The following ICMT variants were observed in gnomAD, a reference collection of about 807,000 sequenced individuals.
ICMT encodes the protein protein-S-isoprenylcysteine O-methyltransferase.
ICMT carries 10 observed loss-of-function variants against 32.2 expected under a neutral mutation model. The observed-to-expected ratio is 0.31, with a 90% CI of 0.19 to 0.53. ICMT has a LOEUF of 0.53. ICMT is among the 20% of genes least tolerant of loss of function. The pLI, the probability that ICMT is intolerant of heterozygous loss-of-function variation, is 0.96. For missense variants in ICMT, 265 were observed against 356.9 expected, an observed-to-expected ratio of 0.74 and a Z score of 2.07; for synonymous variants, 183 against 158.2, an observed-to-expected ratio of 1.16 and a Z score of -1.18.
chr1:6,226,340 G>A (rs1668644905), intron 4 of ICMT, among the ~76,000 whole-genome samples: 1 of 152,124 alleles, frequency 6.6e-6, no homozygotes, highest in Non-Finnish European at 1.5e-5. Flanking sequence ...AGGTTGCAGT[G>A]AGCTGAGATC....
At chr1:6,233,846 G>C (rs1341640587) in intron 2 of ICMT, among the ~76,000 whole-genome samples, 1 of 152,016 alleles carries the variant, frequency 6.6e-6, no homozygotes, top group Non-Finnish European at 1.5e-5. Flanking sequence ...TTTGTTTCTG[G>C]TGTTTTGTTT....
rs1295627080 is a variant in ICMT at position 6,222,819 on chromosome 1, G to A, written c.*2261C>T. 6.6e-6 allele frequency: 1 copy of A among 152,234 alleles called. No individual in the cohort carries two copies. The highest frequency in any genetic ancestry group is 1.5e-5 in the Non-Finnish European group (1 of 68,064). 9.4% of individuals were successfully genotyped at this position (152,234 alleles called of 1,614,324 possible). Reference sequence around the variant, plus strand: ...CTGGGCCCGCCCTACTTAGAGCAGGGGAAAGAACTTTTCCCTCAAAGAGCC... The same window carrying A: ...CTGGGCCCGCCCTACTTAGAGCAGGAGAAAGAACTTTTCCCTCAAAGAGCC... On this transcript the variant is annotated 3_prime_UTR_variant, in exon 5 of 5. Transcript: ENST00000343813.
intron 1 of ICMT, 118 bp from the exon 2 acceptor site, chr1:6,235,092 T>C: frequency 1.3e-6 from 1 of 765,160 alleles, no homozygotes; most frequent in Non-Finnish European, 2.2e-6. Context: ...TTTGCTGAGG[T>C]TGAAAGGGAG....
At chr1:6,227,533 C>A (rs901593060) in intron 4 of ICMT, among the ~76,000 whole-genome samples, 1 of 152,114 alleles carries the variant, frequency 6.6e-6, no homozygotes, top group East Asian at 1.9e-4. Context: ...TTTTCTAGGA[C>A]CAAGAGTAAA....
At chr1:6,230,513 G>C (rs962462582) in intron 4 of ICMT, among the ~76,000 whole-genome samples, 1 of 150,466 alleles carries the variant, frequency 6.6e-6, no homozygotes, top group Non-Finnish European at 1.5e-5. Flanking sequence ...TTGAGCTCAG[G>C]AGGTCAAGGC....
chr1:6,225,122 G>T lies in ICMT; in HGVS notation c.813C>A (p.Pro271=). The change falls in exon 5 of 5, where the codon CCC becomes CCA. Residue 271 remains proline (P), a synonymous_variant. Coordinates refer to ENST00000343813, the MANE Select transcript of ICMT (RefSeq NM_012405.4). ...CCCCCTTTATGAAAGGCAGGCCCGT[G>T]GGCACCCTCTTCTTATACTCCAGGT... ...EEYLEYKKRV[P]TGLPFIKGVK... 7 of 1,614,052 alleles carry T rather than the reference G, an allele frequency of 4.3e-6. No individual in the cohort carries two copies. Among genetic ancestry groups the T allele is most frequent in the Non-Finnish European group, 5.1e-6 (6 of 1,179,944 alleles).
At position 6,222,378 on chromosome 1, in the gene ICMT, G is replaced by C. The variant is rs1412626638; in HGVS notation, c.*2702C>G. ...GCAGAGGTTGCGGTGAGCCGAAATGGTGCCACTGCACTCCAGCCTCCAGCC... is the reference window on the plus strand; with the variant it reads ...GCAGAGGTTGCGGTGAGCCGAAATGCTGCCACTGCACTCCAGCCTCCAGCC... On this transcript the variant is annotated 3_prime_UTR_variant, in exon 5 of 5. Transcript: ENST00000343813. 1.3e-5 allele frequency: 2 copies of C among 152,448 alleles called. No homozygotes were observed. Among genetic ancestry groups the C allele is most frequent in the Non-Finnish European group, 2.9e-5 (2 of 68,240 alleles). The allele number at this position is 152,448 out of a possible 1,614,324, so 9.4% of individuals were successfully genotyped here. A position where few individuals can be genotyped will look rare whatever the true frequency, so the allele number is the denominator to read the frequency against.
At chr1:6,226,350 C>A (rs2100960850) in intron 4 of ICMT, among the ~76,000 whole-genome samples, 1 of 152,156 alleles carries the variant, frequency 6.6e-6, no homozygotes, top group Non-Finnish European at 1.5e-5. Flanking sequence ...GAGCTGAGAT[C>A]GCCACTGCAT....
chr1:6,231,074 G>A (rs1259625945), intron 4 of ICMT, among the ~76,000 whole-genome samples: 2 of 150,478 alleles, frequency 1.3e-5, no homozygotes, highest in East Asian at 2.0e-4. Flanking sequence ...ATGGTGGTTC[G>A]TGCCTACAGT....
chr1:6,226,722 T>G (rs767201018), intron 4 of ICMT, among the ~76,000 whole-genome samples: 7 of 152,144 alleles, frequency 4.6e-5, no homozygotes, highest in Non-Finnish European at 8.8e-5. Context: ...CACGCTACTA[T>G]CCCCACTTTG....
chr1:6,234,948 C>G lies in ICMT; in HGVS notation c.222G>C (p.Gly74=). The change falls in exon 2 of 5, where the codon GGG becomes GGC. Residue 74 remains glycine, a synonymous_variant. Coordinates refer to ENST00000343813, the MANE Select transcript of ICMT (RefSeq NM_012405.4). ...GCAGCGTGCCGCAGCCGAACACAAACCCCAGGAAACAAGCTCGGATGGCTA... is the reference window on the plus strand; with the variant it reads ...GCAGCGTGCCGCAGCCGAACACAAAGCCCAGGAAACAAGCTCGGATGGCTA... ...YQIAIRACFL[G]FVFGCGTLLS... The G allele has an allele frequency of 6.2e-7, 1 of 1,613,932 alleles. No individual in the cohort carries two copies. The highest frequency in any genetic ancestry group is 1.3e-5 in the African/African-American group (1 of 75,038).
At chr1:6,230,223 T>G (rs1668712003) in intron 4 of ICMT, among the ~76,000 whole-genome samples, 1 of 152,142 alleles carries the variant, frequency 6.6e-6, no homozygotes, top group African/African-American at 2.4e-5. Flanking sequence ...CAAGCGGTTC[T>G]CAGGTCTCAG....
chr1:6,230,884 G>A (rs377534557), intron 4 of ICMT, among the ~76,000 whole-genome samples: 6 of 144,418 alleles, frequency 4.2e-5, no homozygotes, highest in African/African-American at 1.6e-4. Flanking sequence ...GCAACAGAGT[G>A]AGACTCCATC....
Position 6,230,400 on chromosome 1 carries a change from T to C in ICMT, c.672+1502A>G, listed in dbSNP as rs1668714688. On this transcript the variant is annotated intron_variant, in intron 4 of 4. Coordinates refer to ENST00000343813, the MANE Select transcript of ICMT (RefSeq NM_012405.4). Reference sequence around the variant, plus strand: ...AAAGTGCTGGGATTACAGGCAACCGTCCAGGAGAACCACCTCTACAAAAAA... The same window carrying C: ...AAAGTGCTGGGATTACAGGCAACCGCCCAGGAGAACCACCTCTACAAAAAA... 2.0e-5 allele frequency among the ~76,000 whole-genome samples: 3 copies of C among 152,036 alleles called. No homozygotes were observed. In the South Asian group the frequency reaches 6.2e-4, roughly 32 times the overall value.
In ICMT at chr1:6,230,448, T is replaced by C. The variant is rs116151335; in HGVS notation, c.672+1454A>G. On this transcript the variant is annotated intron_variant, in intron 4 of 4. Transcript: ENST00000343813. ...AAATTTAAAAATTAGCCGGACGTGG[T>C]GGCAACACCTGTAATGTATTCCAGC... is the stretch of plus-strand genomic sequence containing the variant. Among the ~76,000 whole-genome samples, 774 of 152,140 alleles carry C rather than the reference T, an allele frequency of 5.1e-3. 7 individuals carry two copies. The highest frequency in any genetic ancestry group is 0.018 in the African/African-American group (746 of 41,518).
chr1:6,227,280 A>T (rs1203944773), intron 4 of ICMT, among the ~76,000 whole-genome samples: 1 of 152,214 alleles, frequency 6.6e-6, no homozygotes, highest in Non-Finnish European at 1.5e-5. Flanking sequence ...ATTCAGTCAT[A>T]ACTAATTTGT....
intron 3 of ICMT, among the ~76,000 whole-genome samples, chr1:6,233,254 T>G (rs962571126): frequency 6.6e-6 from 1 of 152,264 alleles, no homozygotes; most frequent in Non-Finnish European, 1.5e-5. Flanking sequence ...CACTATGTGA[T>G]GCAAACTTTA....
At chr1:6,233,678 A>C in intron 2 of ICMT, 35 bp from the exon 3 acceptor site, 20 of 1,572,682 alleles carry the variant, frequency 1.3e-5, no homozygotes, top group Non-Finnish European at 1.7e-5. Flanking sequence ...AAGTTGGGAC[A>C]AGAGAACCAA....
chr1:6,228,830 C>A (rs890261177), intron 4 of ICMT, among the ~76,000 whole-genome samples: 1 of 150,928 alleles, frequency 6.6e-6, no homozygotes, highest in African/African-American at 2.4e-5. Context: ...AGTTTGAGAA[C>A]CGCCTGGCCA....
Sources: allele counts gnomAD v4.1 joint callset (sites outside exome capture counted in the v4.1 genomes callset), GRCh38; gene constraint gnomAD v4.1.1; transcripts MANE v1.5; gene names NCBI Gene and HGNC (gene_info 2026-07-23, HGNC 2026-07-21).